Variants in RASGRF1 observed in about 807,000 individuals in gnomAD.
RASGRF1 encodes Ras protein specific guanine nucleotide releasing factor 1, also known as ras-specific guanine nucleotide-releasing factor 1.
Under a neutral mutation model 138.7 loss-of-function variants are expected in RASGRF1, and 40 were observed. The ratio of observed to expected loss-of-function variants is 0.29; its 90% CI spans 0.22 to 0.38. RASGRF1 has a LOEUF of 0.38. Ranked by LOEUF, RASGRF1 falls within the 10% of genes least tolerant of loss-of-function variation. The pLI, the probability that RASGRF1 is intolerant of heterozygous loss-of-function variation, is 1.00. For synonymous variants in RASGRF1, 614 were observed against 663.2 expected, an observed-to-expected ratio of 0.93 and a Z score of 1.14; for missense variants, 1,108 against 1,650.4, an observed-to-expected ratio of 0.67 and a Z score of 5.69.
intron 1 of RASGRF1, among the ~76,000 whole-genome samples, chr15:79,076,424 T>C (rs2057834526): frequency 6.6e-6 from 1 of 152,182 alleles, no homozygotes. Flanking sequence ...AACCCAGGAC[T>C]TCTCCCCTGC....
chr15:79,064,565 C>T (rs2057651335), intron 1 of RASGRF1, 39 bp from the exon 2 acceptor site: 4 of 1,584,978 alleles, frequency 2.5e-6, no homozygotes, highest in Middle Eastern at 3.3e-4. Context: ...ACCAGAGTGT[C>T]CATGGGACCA....
intron 1 of RASGRF1, among the ~76,000 whole-genome samples, chr15:79,083,276 C>T (rs2057936978): frequency 6.6e-6 from 1 of 152,254 alleles, no homozygotes. Context: ...CAGCTGCTCC[C>T]TGCACGACAG....
intron 16 of RASGRF1, among the ~76,000 whole-genome samples, chr15:79,000,982 G>A (rs1191343880): frequency 6.6e-6 from 1 of 152,208 alleles, no homozygotes; most frequent in Non-Finnish European, 1.5e-5. Context: ...GGCTGCCTGG[G>A]AGGTGGGTCC....
At chr15:79,080,013 C>T (rs1248495452) in intron 1 of RASGRF1, among the ~76,000 whole-genome samples, 10 of 152,206 alleles carry the variant, frequency 6.6e-5, no homozygotes, top group Middle Eastern at 3.2e-3. Flanking sequence ...CCTATACTGG[C>T]GGTGCCTCTG....
chr15:79,062,849 C>T (rs932174856), intron 2 of RASGRF1, among the ~76,000 whole-genome samples: 2 of 151,850 alleles, frequency 1.3e-5, no homozygotes, highest in East Asian at 3.9e-4. Flanking sequence ...TGGCCAACCT[C>T]ATCTACTTTA....
intron 1 of RASGRF1, among the ~76,000 whole-genome samples, chr15:79,078,147 G>GTGTGCATGTGTCTGTGTGCATGTGTC (rs1555407806): frequency 1.3e-5 from 2 of 149,860 alleles, no homozygotes; most frequent in Non-Finnish European, 3.0e-5. Context: ...GTGTGTGTGT[G>GTGTGCATGTGTCTGTGTGCATGTGTC]TGTGTGCATG....
intron 1 of RASGRF1, among the ~76,000 whole-genome samples, chr15:79,081,198 A>G (rs1595976605): frequency 6.6e-6 from 1 of 152,342 alleles, no homozygotes; most frequent in East Asian, 1.9e-4. Context: ...GGCATGGGGC[A>G]GAGGGCATGG....
intron 13 of RASGRF1, among the ~76,000 whole-genome samples, chr15:79,010,281 G>C (rs915390828): frequency 5.9e-5 from 9 of 152,064 alleles, no homozygotes; most frequent in African/African-American, 2.2e-4. Flanking sequence ...CAATTGATCT[G>C]CCTGCCTCAG....
In RASGRF1 at chr15:79,060,549, C is replaced by G. The variant is rs566571471; in HGVS notation, c.384-2068G>C. ...GGAGCCAGGATCTGGGACTCCACCACCCCCGCTCAGGCACCCATGTCCTGT... is the reference window on the plus strand; with the variant it reads ...GGAGCCAGGATCTGGGACTCCACCAGCCCCGCTCAGGCACCCATGTCCTGT... On this transcript the variant is annotated intron_variant, in intron 2 of 26. Coordinates refer to ENST00000558480, the MANE Select transcript of RASGRF1 (RefSeq NM_001145648.3). Among the ~76,000 whole-genome samples, 5 of 152,306 alleles carry G rather than the reference C, an allele frequency of 3.3e-5. No homozygotes were observed. The South Asian group carries it at 1.0e-3, about 32-fold the overall frequency.
intron 6 of RASGRF1, among the ~76,000 whole-genome samples, chr15:79,033,257 T>G (rs908248541): frequency 3.3e-5 from 5 of 152,168 alleles, no homozygotes; most frequent in African/African-American, 7.2e-5. Context: ...ATTTATTTAT[T>G]TATTTGATGG....
chr15:78,995,509 C>T (rs1258919356), intron 20 of RASGRF1, among the ~76,000 whole-genome samples: 1 of 151,610 alleles, frequency 6.6e-6, no homozygotes, highest in African/African-American at 2.4e-5. Flanking sequence ...GGCTGGTCTC[C>T]ACCTCCTGAC....
intron 4 of RASGRF1, 79 bp from the exon 5 acceptor site, chr15:79,047,078 C>A: frequency 6.5e-7 from 1 of 1,542,234 alleles, no homozygotes; most frequent in Non-Finnish European, 8.8e-7. Flanking sequence ...GTGAGCTCCC[C>A]AAGGGTAGGA....
chr15:78,976,840 A>T (rs1334999323), intron 24 of RASGRF1, among the ~76,000 whole-genome samples: 1 of 152,230 alleles, frequency 6.6e-6, no homozygotes, highest in East Asian at 1.9e-4. Context: ...TATCAAGCAG[A>T]GCTGATACGG....
intron 8 of RASGRF1, among the ~76,000 whole-genome samples, chr15:79,030,940 AG>A: frequency 6.6e-6 from 1 of 152,284 alleles, no homozygotes; most frequent in South Asian, 2.1e-4. Context: ...ACCAGAGGAC[AG>A]GGGCACTAGA....
At chr15:79,013,446 A>G (rs572040232) in intron 13 of RASGRF1, among the ~76,000 whole-genome samples, 1 of 152,372 alleles carries the variant, frequency 6.6e-6, no homozygotes, top group Admixed American at 6.5e-5. Flanking sequence ...GACTCACTTC[A>G]TCAGACTTGA....
At chr15:79,084,769 C>G (rs1473084715) in intron 1 of RASGRF1, among the ~76,000 whole-genome samples, 1 of 152,214 alleles carries the variant, frequency 6.6e-6, no homozygotes. Context: ...TTCCACTGCC[C>G]ATAAACCTGC....
intron 1 of RASGRF1, among the ~76,000 whole-genome samples, chr15:79,082,019 C>T (rs930779542): frequency 1.3e-5 from 2 of 152,180 alleles, no homozygotes; most frequent in East Asian, 1.9e-4. Flanking sequence ...TCTGAGCTTA[C>T]ACTCACACCA....
intron 10 of RASGRF1, among the ~76,000 whole-genome samples, chr15:79,021,232 A>C (rs2056956636): frequency 6.6e-6 from 1 of 152,238 alleles, no homozygotes. Flanking sequence ...AAGCTACTAC[A>C]TTTGGAGGTA....
At chr15:78,992,525 TG>T (rs770901495) in intron 20 of RASGRF1, among the ~76,000 whole-genome samples, 1 of 152,200 alleles carries the variant, frequency 6.6e-6, no homozygotes, top group Non-Finnish European at 1.5e-5. Flanking sequence ...GAAGGTCTGC[TG>T]GATCTGAGTG....
Sources: allele counts gnomAD v4.1 joint callset (sites outside exome capture counted in the v4.1 genomes callset), GRCh38; gene constraint gnomAD v4.1.1; transcripts MANE v1.5; gene names NCBI Gene and HGNC (gene_info 2026-07-23, HGNC 2026-07-21).